The following ZNF320 variants were observed in gnomAD, a reference collection of about 807,000 sequenced individuals.
ZNF320 encodes zinc finger gene 320.
ZNF320 carries 2 observed loss-of-function variants against 6.8 expected under a neutral mutation model. That is an observed-to-expected ratio of 0.29 (90% CI 0.12 to 0.93). The LOEUF is 0.93. ZNF320 is among the 40% of genes least tolerant of loss of function. The pLI, the probability that ZNF320 is intolerant of heterozygous loss-of-function variation, is 0.55. For synonymous variants in ZNF320, 208 were observed against 203.2 expected, an observed-to-expected ratio of 1.02 and a Z score of -0.20; for missense variants, 472 against 611.0, an observed-to-expected ratio of 0.77 and a Z score of 2.40.
chr19:52,901,436 C>G (rs1765132790), upstream of ZNF320, among the ~76,000 whole-genome samples: 1 of 152,148 alleles, frequency 6.6e-6, no homozygotes, highest in East Asian at 1.9e-4. Context: ...TGCAGCAGGG[C>G]TTGTCATCTT....
intron 5 of ZNF320, among the ~76,000 whole-genome samples, chr19:52,887,068 G>A (rs1157131902): frequency 1.3e-5 from 2 of 151,624 alleles, no homozygotes; most frequent in Non-Finnish European, 2.9e-5. Flanking sequence ...AGAGGGATAA[G>A]TGAGGGCAAA....
intron 5 of ZNF320, among the ~76,000 whole-genome samples, chr19:52,885,148 C>T (rs2064035195): frequency 1.3e-5 from 2 of 151,182 alleles, no homozygotes; most frequent in South Asian, 4.2e-4. Flanking sequence ...GTTGCAGTGA[C>T]CCAAGATCAC....
chr19:52,890,408 G>C, intron 3 of ZNF320, 80 bp from the exon 4 acceptor site: 1 of 1,160,760 alleles, frequency 8.6e-7, no homozygotes, highest in Non-Finnish European at 1.2e-6. Flanking sequence ...TACAAAGGAG[G>C]CCTCACCCTG....
upstream of ZNF320, among the ~76,000 whole-genome samples, chr19:52,901,225 T>C (rs956275764): frequency 1.3e-5 from 2 of 152,198 alleles, no homozygotes; most frequent in African/African-American, 4.8e-5. Flanking sequence ...GGTACACTTA[T>C]AATAACTATA....
Position 52,881,599 on chromosome 19 carries a change from A to G in ZNF320, c.527T>C (p.Leu176Pro). The G allele has an allele frequency of 6.2e-7, 1 of 1,614,030 alleles. No individual in the cohort carries two copies. Among genetic ancestry groups the G allele is most frequent in the Non-Finnish European group, 8.5e-7 (1 of 1,179,924 alleles). Residue 176 changes from leucine to proline, a missense_variant, in exon 6 of 6, where the codon CTT (leucine) becomes CCT (proline). Leu to Pro is a moderately conservative substitution (Grantham distance 98). Coordinates refer to ENST00000682928, the MANE Select transcript of ZNF320 (RefSeq NM_001351774.2). ...CEKVFSCKSH[L>P]EIHRIIHTGE... ...AGTATGAATTATCCTATGTATTTCA[A>G]GATGTGATTTGCAACTGAAAACTTT...
chr19:52,868,786 C>T (rs978657025), intron 5 of ZNF320, among the ~76,000 whole-genome samples: 3 of 152,080 alleles, frequency 2.0e-5, no homozygotes, highest in Admixed American at 6.6e-5. Flanking sequence ...GGGACACAAG[C>T]GCTGAGCTGC....
intron 4 of ZNF320, among the ~76,000 whole-genome samples, chr19:52,889,866 A>G (rs2064230888): frequency 6.6e-6 from 1 of 152,106 alleles, no homozygotes; most frequent in African/African-American, 2.4e-5. Flanking sequence ...CTTTGTGCAC[A>G]TTAATATGTG....
At chr19:52,891,485 C>T (rs952562590) in intron 2 of ZNF320, 139 bp from the exon 3 acceptor site, 3 of 153,206 alleles carry the variant, frequency 2.0e-5, no homozygotes, top group Admixed American at 6.6e-5. Context: ...GAGCCTAGAC[C>T]TGAAGGAGCA....
Position 52,864,798 on chromosome 19 carries a change from T to G in ZNF320, c.224-639A>C, listed in dbSNP as rs187482443. ...GGAGGCCGAGGCAGGCAGATCATGA[T>G]GTCAGGAGATCGAGACCATCCTGGC... On this transcript the variant is annotated intron_variant, in intron 5 of 5. Transcript: ENST00000673631. Among the ~76,000 whole-genome samples, 798 of 149,830 alleles carry G rather than the reference T, an allele frequency of 5.3e-3. 9 individuals are homozygous for G. The highest frequency in any genetic ancestry group is 0.017 in the African/African-American group (680 of 40,528).
chr19:52,904,099 T>A, the ZNF320 span, among the ~76,000 whole-genome samples: 10 of 152,342 alleles, frequency 6.6e-5, no homozygotes, highest in Admixed American at 4.6e-4. Context: ...TTCCAAAGAT[T>A]AGTCTTACCA....
At chr19:52,865,471 T>TATATATATATGTA (rs2063530837) in intron 5 of ZNF320, 1 of 36,496 alleles carries the variant, frequency 2.7e-5, no homozygotes, top group African/African-American at 1.5e-4. Context: ...ATATATATAT[T>TATATATATATGTA]ACATATATAT....
rs1555821384 is a variant in ZNF320 at position 52,887,002 on chromosome 19, G to GA, written c.142+1124dup. On this transcript the variant is annotated intron_variant, in intron 5 of 5. Transcript: ENST00000682928. ...AGAAGGAAGGAAGGAAGGAAGGAAGGAAGGAAAAGAAAAAACAAAACAAAA... is the reference window on the plus strand; with the variant it reads ...AGAAGGAAGGAAGGAAGGAAGGAAGGAAAGGAAAAGAAAAAACAAAACAAAA... Among the ~76,000 whole-genome samples the GA allele has an allele frequency of 1.0e-3, 80 of 78,602 alleles. 1 individual carries two copies. Among genetic ancestry groups the GA allele is most frequent in the African/African-American group, 3.2e-3 (63 of 19,908 alleles). 51.6% of individuals were successfully genotyped at this position (78,602 alleles called of 152,430 possible). A position where few individuals can be genotyped will look rare whatever the true frequency, so the allele number is the denominator to read the frequency against.
At chr19:52,872,148 G>C (rs535568751), downstream of ZNF320, among the ~76,000 whole-genome samples, 3 of 152,218 alleles carry the variant, frequency 2.0e-5, no homozygotes, top group East Asian at 5.8e-4. Context: ...TTGTTCCATT[G>C]CACTCCAGAA....
At chr19:52,860,052 A>T (rs1203971209), downstream of ZNF320, among the ~76,000 whole-genome samples, 10 of 151,804 alleles carry the variant, frequency 6.6e-5, no homozygotes, top group Non-Finnish European at 1.3e-4. Flanking sequence ...AGCTGGGACT[A>T]CAGGCGCCCG....
rs753058653 is a variant in ZNF320 at position 52,881,123 on chromosome 19, C to T, written c.1003G>A (p.Asp335Asn). Residue 335 changes from aspartate (D) to asparagine (N), a missense_variant, in exon 6 of 6, where the codon GAC becomes AAC. By Grantham distance (23) the Asp-to-Asn change is conservative. Transcript: ENST00000682928. Reference protein sequence around the residue: ...GEKPYRCEECDKVFSRKSHLE... With the variant: ...GEKPYRCEECNKVFSRKSHLE... ...TGTGATTTGCGACTGAAAACTTTGT[C>T]GCATTCTTCACATCTGTAAGGTTTC... 1.7e-5 allele frequency: 27 copies of T among 1,613,932 alleles called. 1 individual carries two copies. The highest frequency in any genetic ancestry group is 1.4e-4 in the South Asian group (13 of 91,082).
At chr19:52,897,350 G>A (rs2064506376) in intron 1 of ZNF320, among the ~76,000 whole-genome samples, 170 bp downstream of exon 1, 1 of 152,192 alleles carries the variant, frequency 6.6e-6, no homozygotes, top group South Asian at 2.1e-4. Context: ...CTGGAATCCA[G>A]CTCGCGGGTG....
At position 52,883,591 on chromosome 19, in the gene ZNF320, A is replaced by T. The variant is rs557731449; in HGVS notation, c.143-1608T>A. On this transcript the variant is annotated intron_variant, in intron 5 of 5. Transcript: ENST00000682928. ...AGTATGAGGTGAAGAAAATACACAG[A>T]ATTATAAGGAATAAGAATTGACTAA... The T allele has an allele frequency of 3.5e-5, 16 of 455,522 alleles. No individual in the cohort carries two copies. The East Asian group carries it at 7.7e-4, about 22-fold the overall frequency. 28.2% of individuals were successfully genotyped at this position (455,522 alleles called of 1,614,324 possible).
At chr19:52,901,865 T>G (rs1371036473), upstream of ZNF320, among the ~76,000 whole-genome samples, 2 of 152,116 alleles carry the variant, frequency 1.3e-5, no homozygotes, top group African/African-American at 2.4e-5. Context: ...AGAGTCAGGC[T>G]ACTGGCCTTG....
At chr19:52,882,094 A>G (rs1342664924) in intron 5 of ZNF320, 111 bp from the exon 6 acceptor site, 3 of 1,117,946 alleles carry the variant, frequency 2.7e-6, no homozygotes, top group South Asian at 1.9e-5. Flanking sequence ...CTTCCCAAAC[A>G]TGAGCTTCAA....
Sources: allele counts gnomAD v4.1 joint callset (sites outside exome capture counted in the v4.1 genomes callset), GRCh38; gene constraint gnomAD v4.1.1; transcripts MANE v1.5; gene names NCBI Gene and HGNC (gene_info 2026-07-23, HGNC 2026-07-21).